The following KIF26B variants were observed in gnomAD, a reference collection of about 807,000 sequenced individuals.
The protein encoded by KIF26B is kinesin family member 26B, also known as kinesin-like protein KIF26B.
A neutral mutation model predicts 151.2 loss-of-function variants in KIF26B; 63 were observed. That is an observed-to-expected ratio of 0.42 (90% CI 0.34 to 0.51). The LOEUF (loss-of-function observed/expected upper bound fraction) is 0.51, where lower values mean the gene tolerates loss of function less well. KIF26B is among the 20% of genes least tolerant of loss of function. The probability of loss-of-function intolerance (pLI) is 0.07; values close to 1 mark genes in which losing one functional copy is unlikely to be tolerated. For missense variants in KIF26B, 2,813 were observed against 2,913.6 expected (o/e 0.97, Z 0.79); for synonymous variants, 1,357 against 1,262.1 (o/e 1.08, Z -1.59).
chr1:245,381,420 A>T (rs986310829), intron 3 of KIF26B, among the ~76,000 whole-genome samples: 1 of 152,254 alleles, frequency 6.6e-6, no homozygotes, highest in Admixed American at 6.5e-5. Context: ...CATGAGGCCC[A>T]GGATGGCTTT....
chr1:245,253,283 A>G (rs1670477126), intron 2 of KIF26B, among the ~76,000 whole-genome samples: 1 of 152,156 alleles, frequency 6.6e-6, no homozygotes, highest in Non-Finnish European at 1.5e-5. Flanking sequence ...TGCTGGGATT[A>G]CAGGTGTGAG....
chr1:245,413,744 C>A (rs1391856376), intron 3 of KIF26B, among the ~76,000 whole-genome samples: 1 of 152,196 alleles, frequency 6.6e-6, no homozygotes, highest in Non-Finnish European at 1.5e-5. Context: ...AGAACATCTT[C>A]TAATAGTGGA....
chr1:245,542,542 A>G (rs1283045888), intron 5 of KIF26B, among the ~76,000 whole-genome samples: 3 of 152,220 alleles, frequency 2.0e-5, no homozygotes, highest in Non-Finnish European at 2.9e-5. Context: ...ATCACTGGAC[A>G]TGGAAGCAGG....
intron 10 of KIF26B, among the ~76,000 whole-genome samples, chr1:245,653,607 C>G (rs2044042538): frequency 6.6e-6 from 1 of 152,134 alleles, no homozygotes; most frequent in Admixed American, 6.5e-5. Context: ...GTTCACACAG[C>G]TAATAGGCAA....
chr1:245,329,956 C>T (rs575378830), intron 2 of KIF26B, among the ~76,000 whole-genome samples: 31 of 152,192 alleles, frequency 2.0e-4, no homozygotes, highest in African/African-American at 7.2e-4. Context: ...GTGACTACAG[C>T]TACCGTGTCT....
chr1:245,310,536 T>C (rs1007624855), intron 2 of KIF26B, among the ~76,000 whole-genome samples: 1 of 152,210 alleles, frequency 6.6e-6, no homozygotes, highest in Non-Finnish European at 1.5e-5. Context: ...TAGGAAACGA[T>C]GTGCTGTTTT....
intron 9 of KIF26B, among the ~76,000 whole-genome samples, chr1:245,618,758 C>T (rs543678144): frequency 2.1e-5 from 3 of 145,608 alleles, no homozygotes; most frequent in South Asian, 4.4e-4. Flanking sequence ...CCCTATTAAA[C>T]TATGGGTTCC....
At chr1:245,569,554 C>T (rs1049005883) in intron 5 of KIF26B, among the ~76,000 whole-genome samples, 1 of 151,874 alleles carries the variant, frequency 6.6e-6, no homozygotes, top group African/African-American at 2.4e-5. Context: ...TTGCAGTGAG[C>T]CAAGATCCTG....
intron 8 of KIF26B, among the ~76,000 whole-genome samples, 155 bp from the exon 9 acceptor site, chr1:245,611,638 G>A (rs919842068): frequency 1.3e-5 from 2 of 152,234 alleles, no homozygotes; most frequent in Non-Finnish European, 1.5e-5. Context: ...CATGAGCATA[G>A]CACCTTGTTT....
chr1:245,207,146 C>T (rs1336409061), intron 2 of KIF26B, among the ~76,000 whole-genome samples: 2 of 152,102 alleles, frequency 1.3e-5, no homozygotes, highest in Non-Finnish European at 2.9e-5. Flanking sequence ...GAATAGGATG[C>T]ATGGAATTAA....
In KIF26B at chr1:245,170,827, AG is replaced by A. The variant is rs754816275; in HGVS notation, c.465+14145del. Among the ~76,000 whole-genome samples, 4 of 152,190 alleles carry A rather than the reference AG, an allele frequency of 2.6e-5. No individual in the cohort carries two copies. Among genetic ancestry groups the A allele is most frequent in the Non-Finnish European group, 5.9e-5 (4 of 68,028 alleles). On this transcript the variant is annotated intron_variant, in intron 2 of 14. Coordinates refer to ENST00000407071, the MANE Select transcript of KIF26B (RefSeq NM_018012.4). The surrounding 1 kb of genome is among the most constrained non-coding windows in gnomAD (Gnocchi z 4.4). Reference sequence around the variant, plus strand: ...TCAACATGATTTTGGGGAGAACATAAGCGTTCAGTCTGTTGCAGCAAGCATG... The same window carrying A: ...TCAACATGATTTTGGGGAGAACATAACGTTCAGTCTGTTGCAGCAAGCATG...
At chr1:245,598,852 A>C (rs1289887279) in intron 5 of KIF26B, among the ~76,000 whole-genome samples, 1 of 152,180 alleles carries the variant, frequency 6.6e-6, no homozygotes, top group African/African-American at 2.4e-5. Context: ...ACTTGGGTGC[A>C]GGAAATGCCA....
At chr1:245,296,772 T>C (rs967667043) in intron 2 of KIF26B, among the ~76,000 whole-genome samples, 1 of 152,240 alleles carries the variant, frequency 6.6e-6, no homozygotes, top group African/African-American at 2.4e-5. Context: ...GCCATTTTCC[T>C]AGGGAGCTCA....
intron 10 of KIF26B, among the ~76,000 whole-genome samples, chr1:245,652,545 G>T (rs2103191461): frequency 6.6e-6 from 1 of 152,244 alleles, no homozygotes; most frequent in Non-Finnish European, 1.5e-5. Flanking sequence ...AATCTCGAGA[G>T]ATTGTTATTA....
intron 2 of KIF26B, among the ~76,000 whole-genome samples, chr1:245,190,041 C>T (rs915217576): frequency 1.3e-5 from 2 of 151,794 alleles, no homozygotes; most frequent in African/African-American, 4.8e-5. Context: ...GTCCCTCCCA[C>T]AACACGTGGG....
chr1:245,202,360 C>T (rs902999060), intron 2 of KIF26B, among the ~76,000 whole-genome samples: 14 of 152,182 alleles, frequency 9.2e-5, no homozygotes, highest in African/African-American at 2.9e-4. Flanking sequence ...GTGGGAAGAG[C>T]GTGGCCTCTC....
At chr1:245,409,086 G>A (rs756852820) in intron 3 of KIF26B, among the ~76,000 whole-genome samples, 7 of 152,130 alleles carry the variant, frequency 4.6e-5, no homozygotes, top group East Asian at 3.9e-4. Context: ...TGACTATGTC[G>A]CTGAAAACAC....
At chr1:245,556,625 C>T (rs1166393640) in intron 5 of KIF26B, among the ~76,000 whole-genome samples, 1 of 152,188 alleles carries the variant, frequency 6.6e-6, no homozygotes, top group Admixed American at 6.5e-5. Context: ...TGGTCTCAAA[C>T]TCCTGAGTTC....
chr1:245,350,579 C>CTATGT (rs1297926542), intron 2 of KIF26B, among the ~76,000 whole-genome samples: 1 of 152,072 alleles, frequency 6.6e-6, no homozygotes, highest in African/African-American at 2.4e-5. Flanking sequence ...TCTGGTCTAC[C>CTATGT]ATATGACCTG....
Sources: allele counts gnomAD v4.1 joint callset (sites outside exome capture counted in the v4.1 genomes callset), GRCh38; gene constraint gnomAD v4.1.1; non-coding constraint Gnocchi (gnomAD v3.1); transcripts MANE v1.5; gene names NCBI Gene and HGNC (gene_info 2026-07-23, HGNC 2026-07-21).